PPARGC1A: variants seen among roughly 807,000 people sequenced by gnomAD.
The protein encoded by PPARGC1A is PPARG coactivator 1 alpha.
A neutral mutation model predicts 88.7 loss-of-function variants in PPARGC1A; 25 were observed. The observed-to-expected ratio is 0.28, with a 90% CI of 0.21 to 0.39. PPARGC1A has a LOEUF of 0.39. Among genes scored for constraint, PPARGC1A ranks in the 10% least tolerant of loss-of-function variants. The pLI is 1.00. For missense variants in PPARGC1A, 880 were observed against 968.7 expected, an observed-to-expected ratio of 0.91 and a Z score of 1.22; for synonymous variants, 363 against 355.6, an observed-to-expected ratio of 1.02 and a Z score of -0.24.
the PPARGC1A span, among the ~76,000 whole-genome samples, chr4:24,001,342 G>C: frequency 3.9e-5 from 6 of 152,192 alleles, no homozygotes; most frequent in Admixed American, 6.5e-5. Flanking sequence ...GTAGCACCTT[G>C]AGTGCTTTGC....
At chr4:24,366,533 C>A in the PPARGC1A span, among the ~76,000 whole-genome samples, 4 of 152,088 alleles carry the variant, frequency 2.6e-5, no homozygotes, top group African/African-American at 9.7e-5. Flanking sequence ...ACAACACAAC[C>A]AACAACAAGC....
At chr4:24,122,073 G>A in the PPARGC1A span, among the ~76,000 whole-genome samples, 1 of 152,132 alleles carries the variant, frequency 6.6e-6, no homozygotes, top group Non-Finnish European at 1.5e-5. Flanking sequence ...AATAGGGGAA[G>A]TGGACAGCAA....
chr4:23,928,770 CAA>C, the PPARGC1A span, among the ~76,000 whole-genome samples: 42,741 of 136,078 alleles, frequency 0.31, 6,987 homozygotes, highest in Non-Finnish European at 0.36. Flanking sequence ...ACAAAAAAAA[CAA>C]AAAAAAACAA....
chr4:24,394,345 C>G, the PPARGC1A span, among the ~76,000 whole-genome samples: 1 of 152,136 alleles, frequency 6.6e-6, no homozygotes, highest in Non-Finnish European at 1.5e-5. Context: ...GAGAAGGATA[C>G]AAGGAGAGAG....
At chr4:23,866,986 A>C (rs1434514899) in intron 2 of PPARGC1A, among the ~76,000 whole-genome samples, 1 of 152,168 alleles carries the variant, frequency 6.6e-6, no homozygotes, top group African/African-American at 2.4e-5. Context: ...AATGTTATTA[A>C]GAACCTACTA....
the PPARGC1A span, among the ~76,000 whole-genome samples, chr4:24,089,507 TTTC>T: frequency 1.5e-3 from 102 of 68,946 alleles, 2 homozygotes; most frequent in African/African-American, 4.7e-3. Flanking sequence ...TTTCTTTTCT[TTTC>T]TTTCTTTTTT....
At chr4:23,840,187 A>G (rs1726810902) in intron 2 of PPARGC1A, among the ~76,000 whole-genome samples, 1 of 152,048 alleles carries the variant, frequency 6.6e-6, no homozygotes, top group African/African-American at 2.4e-5. Flanking sequence ...AAGGATCGCC[A>G]TATAATTTAT....
the PPARGC1A span, among the ~76,000 whole-genome samples, chr4:24,255,368 T>C: frequency 6.6e-6 from 1 of 152,334 alleles, no homozygotes; most frequent in African/African-American, 2.4e-5. Flanking sequence ...AAACATTCCA[T>C]ACATTTTCTA....
intron 2 of PPARGC1A, among the ~76,000 whole-genome samples, chr4:23,866,599 A>T (rs1391959034): frequency 2.0e-5 from 3 of 152,180 alleles, no homozygotes; most frequent in Admixed American, 6.5e-5. Context: ...TTATTGGCTT[A>T]GTTTGTTAGG....
At chr4:24,326,297 C>T in the PPARGC1A span, among the ~76,000 whole-genome samples, 1,949 of 152,190 alleles carry the variant, frequency 0.013, 15 homozygotes, top group Non-Finnish European at 0.02. Context: ...TTACAATTCC[C>T]CCATTTTACC....
At chr4:24,114,686 T>C in the PPARGC1A span, among the ~76,000 whole-genome samples, 1 of 152,228 alleles carries the variant, frequency 6.6e-6, no homozygotes, top group Non-Finnish European at 1.5e-5. Flanking sequence ...GGGCAATTTG[T>C]GACTTTGCAC....
At chr4:23,860,015 C>T (rs890000170) in intron 2 of PPARGC1A, among the ~76,000 whole-genome samples, 5 of 152,040 alleles carry the variant, frequency 3.3e-5, no homozygotes, top group Admixed American at 2.6e-4. Context: ...CTCAACCCTA[C>T]AATCTCAGTG....
intron 2 of PPARGC1A, among the ~76,000 whole-genome samples, chr4:23,858,983 C>T (rs374501817): frequency 6.7e-6 from 1 of 148,384 alleles, no homozygotes; most frequent in East Asian, 2.0e-4. Context: ...TAAATATAAA[C>T]ATAAATTAAA....
At chr4:24,195,371 A>G in the PPARGC1A span, among the ~76,000 whole-genome samples, 1 of 152,238 alleles carries the variant, frequency 6.6e-6, no homozygotes, top group African/African-American at 2.4e-5. Context: ...AAGTATCTCC[A>G]CAATAGTAAT....
the PPARGC1A span, among the ~76,000 whole-genome samples, chr4:24,070,142 A>G: frequency 6.6e-6 from 1 of 152,220 alleles, no homozygotes; most frequent in Non-Finnish European, 1.5e-5. Flanking sequence ...CAGGGATTCC[A>G]TACAGGAATT....
chr4:24,204,847 G>A, the PPARGC1A span, among the ~76,000 whole-genome samples: 1 of 152,050 alleles, frequency 6.6e-6, no homozygotes, highest in African/African-American at 2.4e-5. Context: ...TGTTTGAGAC[G>A]GGGTCTCACT....
the PPARGC1A span, among the ~76,000 whole-genome samples, chr4:24,415,772 G>C: frequency 6.6e-5 from 10 of 152,140 alleles, no homozygotes; most frequent in African/African-American, 2.4e-4. Context: ...CAAATATTCT[G>C]TATTAGTTAT....
At chr4:24,271,598 C>CA in the PPARGC1A span, among the ~76,000 whole-genome samples, 1 of 152,068 alleles carries the variant, frequency 6.6e-6, no homozygotes, top group Non-Finnish European at 1.5e-5. Flanking sequence ...AGGATGGTCT[C>CA]AATCTCCTGA....
At chr4:24,454,605 G>A in the PPARGC1A span, among the ~76,000 whole-genome samples, 1 of 152,028 alleles carries the variant, frequency 6.6e-6, no homozygotes, top group East Asian at 1.9e-4. Flanking sequence ...GAGTGTGGTG[G>A]TGCATGCCTA....
Sources: gnomAD v4.1 joint callset for allele counts (sites outside exome capture counted in the v4.1 genomes callset) on GRCh38, gnomAD v4.1.1 for gene constraint, MANE v1.5 for transcripts, NCBI Gene and HGNC (gene_info 2026-07-23, HGNC 2026-07-21) for gene names.